LRRC7: variants seen among roughly 807,000 people sequenced by gnomAD.
LRRC7 encodes the protein leucine rich repeat containing 7.
A neutral mutation model predicts 175.7 loss-of-function variants in LRRC7; 23 were observed. The observed-to-expected ratio is 0.13, with a 90% CI of 0.09 to 0.19. LRRC7 has a LOEUF of 0.19. Among genes scored for constraint, LRRC7 ranks in the 10% least tolerant of loss-of-function variants. LRRC7 has a pLI of 1.00. For missense variants in LRRC7, 1,354 were observed against 1,904.7 expected (o/e 0.71, Z 5.38); for synonymous variants, 685 against 680.9 (o/e 1.01, Z -0.09).
At chr1:69,944,253 C>G (rs981775742) in intron 8 of LRRC7, among the ~76,000 whole-genome samples, 2 of 152,050 alleles carry the variant, frequency 1.3e-5, no homozygotes, top group Non-Finnish European at 2.9e-5. Context: ...TGGCTTATTT[C>G]ACTTACCAAA....
chr1:69,922,180 C>A (rs1019276224), intron 7 of LRRC7, among the ~76,000 whole-genome samples: 1 of 152,174 alleles, frequency 6.6e-6, no homozygotes, highest in African/African-American at 2.4e-5. Context: ...CCTGCCTCGG[C>A]CCCCCAAAGT....
At chr1:69,966,329 T>A (rs1040759330) in intron 8 of LRRC7, among the ~76,000 whole-genome samples, 3 of 152,218 alleles carry the variant, frequency 2.0e-5, no homozygotes, top group Non-Finnish European at 2.9e-5. Context: ...CAAGTTTTTT[T>A]AATTACAGTA....
chr1:70,111,704 A>T (rs1163535292), intron 26 of LRRC7, among the ~76,000 whole-genome samples: 3 of 152,172 alleles, frequency 2.0e-5, no homozygotes, highest in Non-Finnish European at 4.4e-5. Flanking sequence ...ACTGGAAAAA[A>T]ATACATACTG....
chr1:69,947,624 G>A (rs1452772884), intron 8 of LRRC7, among the ~76,000 whole-genome samples: 1 of 151,526 alleles, frequency 6.6e-6, no homozygotes, highest in African/African-American at 2.4e-5. Context: ...TATTTTTATA[G>A]TTATATTTAT....
At chr1:69,763,749 A>G (rs1472602403) in intron 3 of LRRC7, among the ~76,000 whole-genome samples, 2 of 152,222 alleles carry the variant, frequency 1.3e-5, no homozygotes, top group East Asian at 3.9e-4. Flanking sequence ...TGAGCTCTTT[A>G]AGGATTTAAA....
At chr1:69,633,490 G>A (rs778016175) in intron 1 of LRRC7, among the ~76,000 whole-genome samples, 3 of 151,956 alleles carry the variant, frequency 2.0e-5, no homozygotes, top group Non-Finnish European at 2.9e-5. Flanking sequence ...ATGCAGTGGT[G>A]CGATCTCAAC....
intron 25 of LRRC7, among the ~76,000 whole-genome samples, chr1:70,102,792 C>G (rs1488583797): frequency 1.3e-5 from 2 of 152,156 alleles, no homozygotes; most frequent in African/African-American, 4.8e-5. Flanking sequence ...TTTATTAACC[C>G]ATTGTACTGA....
At position 70,128,770 on chromosome 1, in the gene LRRC7, C is replaced by T. The variant is rs1666548156; in HGVS notation, c.*6883C>T. 6.6e-6 allele frequency: 1 copy of T among 152,222 alleles called. No homozygotes were observed. The allele number at this position is 152,222 out of a possible 1,614,324, so 9.4% of individuals were successfully genotyped here. ...CAGAGGAAAGATGAGAGAAGTTCCA[C>T]ATCAAAGACAGTACAAGGCAATGTG... On this transcript the variant is annotated 3_prime_UTR_variant, in exon 27 of 27. Transcript: ENST00000651989.
chr1:69,798,374 TC>T (rs1676053361), intron 4 of LRRC7, among the ~76,000 whole-genome samples: 1 of 152,128 alleles, frequency 6.6e-6, no homozygotes, highest in Non-Finnish European at 1.5e-5. Context: ...TATTCAAAAC[TC>T]AATTCAGTTG....
chr1:70,022,441 C>G (rs1332849525), intron 16 of LRRC7: 1 of 152,106 alleles, frequency 6.6e-6, no homozygotes, highest in Admixed American at 6.6e-5. Context: ...TTAATATACT[C>G]TGGTATATGT....
intron 7 of LRRC7, among the ~76,000 whole-genome samples, chr1:69,843,374 G>A (rs896947648): frequency 2.0e-5 from 3 of 151,762 alleles, no homozygotes; most frequent in Non-Finnish European, 2.9e-5. Flanking sequence ...ATTTTATTTC[G>A]GGTTGTTAAT....
At chr1:69,626,381 A>T (rs968424556) in intron 1 of LRRC7, among the ~76,000 whole-genome samples, 1 of 94,898 alleles carries the variant, frequency 1.1e-5, no homozygotes, top group African/African-American at 3.5e-5. Flanking sequence ...TTTACTTAGA[A>T]TCTAAAAAAA....
At chr1:69,907,993 G>A (rs974491344) in intron 7 of LRRC7, among the ~76,000 whole-genome samples, 21 of 152,126 alleles carry the variant, frequency 1.4e-4, no homozygotes, top group African/African-American at 4.8e-4. Flanking sequence ...GTCTTGGGAG[G>A]GTGTATGTGT....
intron 1 of LRRC7, among the ~76,000 whole-genome samples, chr1:69,671,293 G>A (rs1328727628): frequency 6.6e-6 from 1 of 152,122 alleles, no homozygotes; most frequent in Admixed American, 6.5e-5. Context: ...TATCATGTAG[G>A]AAGTAGGGCC....
At chr1:69,820,014 G>A (rs758564981) in intron 4 of LRRC7, among the ~76,000 whole-genome samples, 53 of 151,686 alleles carry the variant, frequency 3.5e-4, no homozygotes, top group Admixed American at 2.0e-4. Flanking sequence ...AGATTATTTA[G>A]CCTATTTACA....
At chr1:69,653,577 G>C (rs1291275091) in intron 1 of LRRC7, among the ~76,000 whole-genome samples, 1 of 152,034 alleles carries the variant, frequency 6.6e-6, no homozygotes, top group Non-Finnish European at 1.5e-5. Flanking sequence ...TGCAGCCACT[G>C]TTTTCTAACA....
chr1:69,956,822 C>T (rs561858719), intron 8 of LRRC7, among the ~76,000 whole-genome samples: 213 of 151,442 alleles, frequency 1.4e-3, no homozygotes, highest in African/African-American at 5.0e-3. Context: ...AATAATCCAT[C>T]GAACTCTAAT....
At chr1:69,710,001 G>A (rs933663091) in intron 2 of LRRC7, among the ~76,000 whole-genome samples, 5 of 151,996 alleles carry the variant, frequency 3.3e-5, no homozygotes, top group African/African-American at 4.8e-5. Flanking sequence ...AAAGTCAACC[G>A]GTGTGGTGTC....
intron 18 of LRRC7, among the ~76,000 whole-genome samples, chr1:70,029,391 C>T (rs954547283): frequency 3.3e-5 from 5 of 151,970 alleles, no homozygotes; most frequent in Non-Finnish European, 2.9e-5. Context: ...GGAGGGCATT[C>T]CAAGCAAAGG....
Sources: gnomAD v4.1 joint callset for allele counts (sites outside exome capture counted in the v4.1 genomes callset) on GRCh38, gnomAD v4.1.1 for gene constraint, MANE v1.5 for transcripts, NCBI Gene and HGNC (gene_info 2026-07-23, HGNC 2026-07-21) for gene names.